CREB3L2: variants seen among roughly 807,000 people sequenced by gnomAD.
CREB3L2 encodes cAMP responsive element binding protein 3 like 2, also known as cyclic AMP-responsive element-binding protein 3-like protein 2.
A neutral mutation model predicts 57.2 loss-of-function variants in CREB3L2; 23 were observed. The observed-to-expected ratio is 0.40, with a 90% CI of 0.29 to 0.57. The LOEUF (loss-of-function observed/expected upper bound fraction) is 0.57, where lower values mean the gene tolerates loss of function less well. Among genes scored for constraint, CREB3L2 ranks in the 20% least tolerant of loss-of-function variants. The probability of loss-of-function intolerance (pLI) is 0.42; values close to 1 mark genes in which losing one functional copy is unlikely to be tolerated. For synonymous variants in CREB3L2, 268 were observed against 265.1 expected, an observed-to-expected ratio of 1.01 and a Z score of -0.11; for missense variants, 628 against 634.7, an observed-to-expected ratio of 0.99 and a Z score of 0.11.
intron 1 of CREB3L2, among the ~76,000 whole-genome samples, chr7:137,944,878 CTTTTA>C (rs1369764047): frequency 2.6e-5 from 4 of 151,542 alleles, no homozygotes; most frequent in South Asian, 2.1e-4. Flanking sequence ...GAATTTATAA[CTTTTA>C]TTTTATTTTT....
intron 1 of CREB3L2, among the ~76,000 whole-genome samples, chr7:137,955,574 T>C (rs1801193367): frequency 6.6e-6 from 1 of 152,210 alleles, no homozygotes; most frequent in South Asian, 2.1e-4. Context: ...CAGAAAATAA[T>C]TTAACAGGCA....
intron 1 of CREB3L2, among the ~76,000 whole-genome samples, chr7:137,963,044 T>C (rs1254430439): frequency 6.6e-6 from 1 of 152,206 alleles, no homozygotes; most frequent in Admixed American, 6.5e-5. Flanking sequence ...TGGATCTTCA[T>C]GAAGATGTCT....
chr7:137,906,509 G>T (rs1295025562), intron 5 of CREB3L2, among the ~76,000 whole-genome samples: 1 of 152,140 alleles, frequency 6.6e-6, no homozygotes, highest in African/African-American at 2.4e-5. Flanking sequence ...ATGCCATGGA[G>T]GACTCAAAAC....
chr7:137,985,377 C>T (rs756834831), intron 1 of CREB3L2, among the ~76,000 whole-genome samples: 4 of 152,162 alleles, frequency 2.6e-5, no homozygotes, highest in Non-Finnish European at 4.4e-5. Context: ...GGAGGAAGAA[C>T]GTGGCTTAAA....
chr7:137,879,174 A>G lies in CREB3L2; in HGVS notation c.*1302T>C, dbSNP rs1222106897. On this transcript the variant is annotated 3_prime_UTR_variant, in exon 12 of 12. Coordinates refer to ENST00000330387, the MANE Select transcript of CREB3L2 (RefSeq NM_194071.4). The stretch of plus-strand genomic sequence containing the variant: ...CAAAAGTTACTTTTAACCATAAAAA[A>G]AAAACAAAAAAACTAAAAGTAGGTT... 3 of 510,696 alleles carry G rather than the reference A, an allele frequency of 5.9e-6. No individual in the cohort carries two copies. The highest frequency in any genetic ancestry group is 2.5e-5 in the Admixed American group (1 of 40,642). The allele number at this position is 510,696 out of a possible 1,614,324, so 31.6% of individuals were successfully genotyped here.
chr7:137,887,391 A>G (rs1350825809), intron 8 of CREB3L2, among the ~76,000 whole-genome samples: 1 of 152,164 alleles, frequency 6.6e-6, no homozygotes, highest in Non-Finnish European at 1.5e-5. Context: ...CTCAGCACAC[A>G]GAGTAGATGC....
chr7:137,913,059 G>A lies in CREB3L2; in HGVS notation c.515C>T (p.Thr172Ile), dbSNP rs1168011191. 1.9e-6 allele frequency: 3 copies of A among 1,613,748 alleles called. No homozygotes were observed. Among genetic ancestry groups the A allele is most frequent in the Non-Finnish European group, 2.5e-6 (3 of 1,179,926 alleles). The change falls in exon 4 of 12, where the codon ACC (threonine) becomes ATC (isoleucine). Residue 172 changes from threonine to isoleucine, a missense_variant. Thr to Ile is a moderately conservative substitution (Grantham distance 89). Transcript: ENST00000330387. ...MNTGVDSSCQ[T>I]IIPKIKLEPH... is the part of the protein sequence containing the mutation. ...CTCCAGCTTAATTTTAGGAATAATGGTCTGGCACGAGGAATCAACCTGGAG... is the reference window on the plus strand; with the variant it reads ...CTCCAGCTTAATTTTAGGAATAATGATCTGGCACGAGGAATCAACCTGGAG...
intron 1 of CREB3L2, among the ~76,000 whole-genome samples, chr7:137,972,081 G>C (rs1801517045): frequency 6.6e-6 from 1 of 152,116 alleles, no homozygotes; most frequent in Admixed American, 6.5e-5. Flanking sequence ...TCTAACACAA[G>C]AGAAATTAAC....
intron 1 of CREB3L2, among the ~76,000 whole-genome samples, chr7:137,979,752 C>G (rs1801680470): frequency 6.6e-6 from 1 of 152,074 alleles, no homozygotes; most frequent in Non-Finnish European, 1.5e-5. Context: ...ACAACAACAA[C>G]AACAACAACA....
chr7:137,956,167 T>C (rs1251144842), intron 1 of CREB3L2, among the ~76,000 whole-genome samples: 1 of 152,226 alleles, frequency 6.6e-6, no homozygotes, highest in Non-Finnish European at 1.5e-5. Context: ...CCCAAAGGCC[T>C]TCTAATTATT....
At chr7:137,997,327 T>C (rs10256560) in intron 1 of CREB3L2, among the ~76,000 whole-genome samples, 127,927 of 152,164 alleles carry the variant, frequency 0.84, 54,550 homozygotes, top group Middle Eastern at 0.94. Context: ...TTCCCCAAGC[T>C]GCTTTCCCAA....
chr7:137,950,368 T>A (rs1299602119), intron 1 of CREB3L2, among the ~76,000 whole-genome samples: 1 of 152,198 alleles, frequency 6.6e-6, no homozygotes, highest in Admixed American at 6.5e-5. Flanking sequence ...TAAGGTCAGG[T>A]ATGATTACCA....
At chr7:137,952,472 G>C (rs868858648) in intron 1 of CREB3L2, among the ~76,000 whole-genome samples, 1 of 152,112 alleles carries the variant, frequency 6.6e-6, no homozygotes, top group Non-Finnish European at 1.5e-5. Flanking sequence ...TGACCCCTAC[G>C]GTAGCCACAG....
chr7:137,945,142 G>A (rs1008956461), intron 1 of CREB3L2, among the ~76,000 whole-genome samples: 10 of 152,146 alleles, frequency 6.6e-5, no homozygotes, highest in African/African-American at 1.7e-4. Flanking sequence ...TAATCTGCCC[G>A]CCTTGGCTTC....
chr7:137,966,787 C>T (rs951758635), intron 1 of CREB3L2, among the ~76,000 whole-genome samples: 4 of 152,162 alleles, frequency 2.6e-5, no homozygotes, highest in Admixed American at 1.3e-4. Flanking sequence ...TCTCTGCCTC[C>T]ATATAATACG....
At chr7:137,929,869 A>AAAAT (rs1183625920) in intron 1 of CREB3L2, among the ~76,000 whole-genome samples, 1 of 149,710 alleles carries the variant, frequency 6.7e-6, no homozygotes, top group African/African-American at 2.4e-5. Flanking sequence ...ACTCCATCTC[A>AAAAT]AAATAAATAA....
chr7:137,918,760 C>CA (rs1481885653), intron 2 of CREB3L2, among the ~76,000 whole-genome samples: 1 of 151,412 alleles, frequency 6.6e-6, no homozygotes, highest in Non-Finnish European at 1.5e-5. Context: ...AAAGTGAATA[C>CA]AAAAAACAAA....
At chr7:137,919,242 GCTC>G (rs1800218306) in intron 2 of CREB3L2, among the ~76,000 whole-genome samples, 1 of 151,584 alleles carries the variant, frequency 6.6e-6, no homozygotes, top group Non-Finnish European at 1.5e-5. Context: ...TGTGATCTCG[GCTC>G]ACTGCAACCT....
At chr7:137,974,986 C>T (rs932511625) in intron 1 of CREB3L2, among the ~76,000 whole-genome samples, 1 of 152,000 alleles carries the variant, frequency 6.6e-6, no homozygotes, top group Non-Finnish European at 1.5e-5. Context: ...TGGAGTGTTG[C>T]CCAAGAGACA....
Sources: allele counts gnomAD v4.1 joint callset (sites outside exome capture counted in the v4.1 genomes callset), GRCh38; gene constraint gnomAD v4.1.1; transcripts MANE v1.5; gene names NCBI Gene and HGNC (gene_info 2026-07-23, HGNC 2026-07-21).